Variants in SDK2 observed in about 807,000 individuals in gnomAD.
The protein encoded by SDK2 is sidekick cell adhesion molecule 2.
SDK2 carries 105 observed loss-of-function variants against 253.9 expected under a neutral mutation model. That is an observed-to-expected ratio of 0.41 (90% CI 0.35 to 0.49). SDK2 has a LOEUF of 0.49. Among genes scored for constraint, SDK2 ranks in the 20% least tolerant of loss-of-function variants. The pLI is 0.06. For synonymous variants in SDK2, 1,249 were observed against 1,234.9 expected, an observed-to-expected ratio of 1.01 and a Z score of -0.24; for missense variants, 2,608 against 3,003.0, an observed-to-expected ratio of 0.87 and a Z score of 3.07.
Position 73,435,991 on chromosome 17 carries a change from C to G in SDK2, c.1001-347G>C, listed in dbSNP as rs577379557. Among the ~76,000 whole-genome samples, 1 of 152,058 alleles carries G rather than the reference C, an allele frequency of 6.6e-6. No homozygotes were observed. The highest frequency in any genetic ancestry group is 2.4e-5 in the African/African-American group (1 of 41,384). On this transcript the variant is annotated intron_variant, in intron 8 of 44. Transcript: ENST00000392650. The surrounding 1 kb of genome is among the most constrained non-coding windows in gnomAD (Gnocchi z 5.7). Reference sequence around the variant, plus strand: ...GTGGTCTAGAACTCTTGGTTTCAAGCGTTCCTCCCACCTCAGCCTCCCAAA... The same window carrying G: ...GTGGTCTAGAACTCTTGGTTTCAAGGGTTCCTCCCACCTCAGCCTCCCAAA...
chr17:73,448,842 G>A (rs2063472278), intron 4 of SDK2, among the ~76,000 whole-genome samples: 1 of 151,772 alleles, frequency 6.6e-6, no homozygotes, highest in African/African-American at 2.4e-5. Flanking sequence ...TATATTTTTA[G>A]TAAAGACAGG....
At chr17:73,389,726 G>A (rs1156656263) in intron 29 of SDK2, among the ~76,000 whole-genome samples, 1 of 152,034 alleles carries the variant, frequency 6.6e-6, no homozygotes, top group African/African-American at 2.4e-5. Context: ...GGAGGGGAGA[G>A]GGAAGATGGT....
rs148821721 is a variant in SDK2 at position 73,361,790 on chromosome 17, C to A, written c.5361G>T (p.Lys1787Asn). The A allele has an allele frequency of 6.2e-7, 1 of 1,610,272 alleles. No individual in the cohort carries two copies. Among genetic ancestry groups the A allele is most frequent in the Non-Finnish European group, 8.5e-7 (1 of 1,178,322 alleles). The change falls in exon 39 of 45, where the codon AAG becomes AAT. Residue 1787 changes from lysine to asparagine, a missense_variant. This residue lies in a region of SDK2 where 1,103 missense variants were observed against 1,143.9 expected (regional missense o/e 0.96). Coordinates refer to ENST00000392650, the MANE Select transcript of SDK2 (RefSeq NM_001144952.2). This position sits in a 1 kb window ranked among gnomAD's most constrained non-coding sequence, Gnocchi z 4.1. ...DVKGNSPLWL[K>N]VKDLAEGVTY... ...TCACCCCCTCCGCCAGGTCCTTCAC[C>A]TTCAGCCACAGGGGGCTGTTCCCCT...
rs1209660812 is a variant in SDK2 at position 73,639,524 on chromosome 17, C to G, written c.64+4501G>C. Among the ~76,000 whole-genome samples, 1 of 152,206 alleles carries G rather than the reference C, an allele frequency of 6.6e-6. No homozygotes were observed. Among genetic ancestry groups the G allele is most frequent in the Non-Finnish European group, 1.5e-5 (1 of 68,032 alleles). ...GGCTGCAGCCGCCAGTTGCTGCTGG[C>G]CCATTTGTTGCTATTGGCATCCCAA... is the stretch of plus-strand genomic sequence containing the variant. On this transcript the variant is annotated intron_variant, in intron 1 of 44. Transcript: ENST00000392650. This position sits in a 1 kb window ranked among gnomAD's most constrained non-coding sequence, Gnocchi z 4.3.
At chr17:73,617,195 G>C (rs1363867680) in intron 1 of SDK2, among the ~76,000 whole-genome samples, 1 of 146,926 alleles carries the variant, frequency 6.8e-6, no homozygotes, top group Non-Finnish European at 1.5e-5. Context: ...GGGGAGGGGA[G>C]GGGCCTCCTG....
Position 73,564,693 on chromosome 17 carries a change from C to T in SDK2, c.65-57096G>A, listed in dbSNP as rs1472836650. Among the ~76,000 whole-genome samples, 5 of 152,106 alleles carry T rather than the reference C, an allele frequency of 3.3e-5. No individual in the cohort carries two copies. In the East Asian group the frequency reaches 7.8e-4, roughly 24 times the overall value. ...TACAAAAATTAGCTGGGCATGGTGG[C>T]GTATACCTGCAGTCCCATCTACTCG... On this transcript the variant is annotated intron_variant, in intron 1 of 44. Transcript: ENST00000392650.
intron 1 of SDK2, among the ~76,000 whole-genome samples, chr17:73,540,008 C>A (rs11651603): frequency 9.7e-5 from 10 of 103,146 alleles, no homozygotes; most frequent in African/African-American, 3.7e-4. Flanking sequence ...GCAGCCCCCA[C>A]CAGAGACGGG....
intron 4 of SDK2, among the ~76,000 whole-genome samples, chr17:73,451,729 A>G (rs1439557078): frequency 6.6e-6 from 1 of 152,112 alleles, no homozygotes; most frequent in Non-Finnish European, 1.5e-5. Context: ...GCAGTGAAGG[A>G]AGGTCCCTGG....
intron 2 of SDK2, among the ~76,000 whole-genome samples, chr17:73,500,424 A>C (rs1413982425): frequency 1.7e-4 from 13 of 75,500 alleles, no homozygotes; most frequent in Admixed American, 4.7e-4. Flanking sequence ...TCCATTATCC[A>C]TCATCCTCCA....
chr17:73,493,008 G>C (rs768208307), intron 2 of SDK2, among the ~76,000 whole-genome samples: 1 of 152,228 alleles, frequency 6.6e-6, no homozygotes, highest in Non-Finnish European at 1.5e-5. Flanking sequence ...TGGAAAGCGG[G>C]AGATTCTCAG....
At chr17:73,351,781 C>T (rs1487592917) in intron 41 of SDK2, among the ~76,000 whole-genome samples, 1 of 152,082 alleles carries the variant, frequency 6.6e-6, no homozygotes, top group Non-Finnish European at 1.5e-5. Context: ...GGCCTTGAAG[C>T]ACTTCTGTCC....
chr17:73,345,149 T>C (rs530836458), intron 44 of SDK2, among the ~76,000 whole-genome samples: 3 of 152,194 alleles, frequency 2.0e-5, no homozygotes, highest in East Asian at 3.9e-4. Context: ...TGAAATCCCG[T>C]CTTTACTAAA....
At chr17:73,608,214 T>C (rs1039694637) in intron 1 of SDK2, among the ~76,000 whole-genome samples, 3 of 152,052 alleles carry the variant, frequency 2.0e-5, no homozygotes, top group Admixed American at 6.6e-5. Flanking sequence ...GGGGTGCTGG[T>C]CGGGTCCTTT....
chr17:73,468,054 G>A (rs1028817452), intron 3 of SDK2, among the ~76,000 whole-genome samples: 4 of 152,164 alleles, frequency 2.6e-5, no homozygotes, highest in Non-Finnish European at 4.4e-5. Context: ...CCATGTCTGG[G>A]GGCACCTGGA....
intron 12 of SDK2, among the ~76,000 whole-genome samples, chr17:73,427,642 C>CA (rs9302965): frequency 0.017 from 1,760 of 105,768 alleles, 26 homozygotes; most frequent in Middle Eastern, 0.039. Flanking sequence ...CATCCACATG[C>CA]AAAAAAAAAA....
In SDK2 at chr17:73,371,781, G is replaced by A. The variant is rs185191007; in HGVS notation, c.4981-3188C>T. Among the ~76,000 whole-genome samples, 85 of 152,166 alleles carry A rather than the reference G, an allele frequency of 5.6e-4. 1 individual carries two copies. In the East Asian group the frequency reaches 0.013, roughly 24 times the overall value. On this transcript the variant is annotated intron_variant, in intron 36 of 44. Transcript: ENST00000392650. ...TTGAGACCAGCCTGGCCAACATGGC[G>A]AAACTCTATCTCTACTAAAAATACA...
chr17:73,518,674 A>G (rs2064050699), intron 1 of SDK2: 3 of 152,188 alleles, frequency 2.0e-5, no homozygotes, highest in Admixed American at 2.0e-4. Context: ...CATCGATTAG[A>G]ATGTTTTGGC....
In SDK2 at chr17:73,405,507, T is replaced by TAC. The variant is rs1555762635; in HGVS notation, c.2485-3367_2485-3366insGT. Among the ~76,000 whole-genome samples, 49 of 51,152 alleles carry TAC rather than the reference T, an allele frequency of 9.6e-4. 3 individuals carry two copies. Among genetic ancestry groups the TAC allele is most frequent in the Non-Finnish European group, 1.9e-3 (46 of 24,500 alleles). 33.6% of individuals were successfully genotyped at this position (51,152 alleles called of 152,430 possible). Reference sequence around the variant, plus strand: ...ATATATATATATATATATATATATATATATATATATAAAGATCGAGAATGT... The same window carrying TAC: ...ATATATATATATATATATATATATATACATATATATATAAAGATCGAGAATGT... On this transcript the variant is annotated intron_variant, in intron 18 of 44. Transcript: ENST00000392650.
At chr17:73,391,349 C>T in intron 28 of SDK2, 91 bp downstream of exon 28, 2 of 620,388 alleles carry the variant, frequency 3.2e-6, no homozygotes, top group Non-Finnish European at 4.8e-6. Flanking sequence ...TGGACCTACT[C>T]TCCCTCAAGC....
Sources: gnomAD v4.1 joint callset for allele counts (sites outside exome capture counted in the v4.1 genomes callset) on GRCh38, gnomAD v4.1.1 for gene constraint, gnomAD v4.1.1 regional missense constraint, Gnocchi (gnomAD v3.1) non-coding constraint, MANE v1.5 for transcripts, NCBI Gene and HGNC (gene_info 2026-07-23, HGNC 2026-07-21) for gene names.